TMCC3: variants seen among roughly 807,000 people sequenced by gnomAD.
The protein encoded by TMCC3 is transmembrane and coiled-coil domain protein 3.
A neutral mutation model predicts 40.2 loss-of-function variants in TMCC3; 28 were observed. That is an observed-to-expected ratio of 0.70 (90% CI 0.52 to 0.95). TMCC3 has a LOEUF of 0.95. Among genes scored for constraint, TMCC3 ranks in the 40% least tolerant of loss-of-function variants. TMCC3 has a pLI of 0.00. For missense variants in TMCC3, 554 were observed against 615.2 expected (o/e 0.90, Z 1.05); for synonymous variants, 255 against 248.5 (o/e 1.03, Z -0.25).
intron 1 of TMCC3, among the ~76,000 whole-genome samples, chr12:94,626,458 C>A (rs1305764116): frequency 6.6e-6 from 1 of 152,148 alleles, no homozygotes; most frequent in Non-Finnish European, 1.5e-5. Flanking sequence ...TTAATGTAGC[C>A]AAGGCCTTAC....
chr12:94,581,297 G>A (rs1437903631), intron 2 of TMCC3, among the ~76,000 whole-genome samples: 1 of 152,178 alleles, frequency 6.6e-6, no homozygotes, highest in Non-Finnish European at 1.5e-5. Context: ...GCATTGTGCT[G>A]ACACTCCAAA....
At chr12:94,637,210 T>A (rs572853044) in intron 1 of TMCC3, among the ~76,000 whole-genome samples, 4 of 152,206 alleles carry the variant, frequency 2.6e-5, no homozygotes, top group Admixed American at 6.5e-5. Flanking sequence ...GTCTTTTTAG[T>A]CTATGAAAAT....
chr12:94,615,995 A>C (rs1225633741), intron 1 of TMCC3: 1 of 985,308 alleles, frequency 1.0e-6, no homozygotes, highest in Non-Finnish European at 1.2e-6. Flanking sequence ...GAGGCATTTG[A>C]ATCTGCAAGG....
At chr12:94,621,964 A>G (rs2068878073) in intron 1 of TMCC3, among the ~76,000 whole-genome samples, 1 of 152,196 alleles carries the variant, frequency 6.6e-6, no homozygotes, top group Non-Finnish European at 1.5e-5. Context: ...TTTCAGTATC[A>G]GTAGGAGAAA....
intron 1 of TMCC3, among the ~76,000 whole-genome samples, chr12:94,643,887 A>G (rs1446792447): frequency 6.6e-6 from 1 of 152,240 alleles, no homozygotes; most frequent in Non-Finnish European, 1.5e-5. Context: ...TAGTTTCCTA[A>G]TAGCCACAAG....
At chr12:94,582,858 A>C (rs564737399) in intron 1 of TMCC3, among the ~76,000 whole-genome samples, 1 of 152,044 alleles carries the variant, frequency 6.6e-6, no homozygotes, top group Non-Finnish European at 1.5e-5. Context: ...CCGGTCTCCC[A>C]AAGTGCCCAG....
chr12:94,624,435 A>G (rs2068891835), intron 1 of TMCC3, among the ~76,000 whole-genome samples: 1 of 152,232 alleles, frequency 6.6e-6, no homozygotes, highest in African/African-American at 2.4e-5. Flanking sequence ...AGCCATGGCC[A>G]GGCATGGTGG....
At chr12:94,621,867 A>T (rs1202795509) in intron 1 of TMCC3, among the ~76,000 whole-genome samples, 2 of 152,214 alleles carry the variant, frequency 1.3e-5, no homozygotes, top group African/African-American at 4.8e-5. Context: ...GCCTGAACCC[A>T]GGGGCATGTC....
intron 1 of TMCC3, among the ~76,000 whole-genome samples, chr12:94,610,482 G>A (rs1479501568): frequency 1.3e-5 from 2 of 151,824 alleles, no homozygotes; most frequent in African/African-American, 4.8e-5. Context: ...AAATGGAGAT[G>A]AAAATATTTA....
intron 1 of TMCC3, among the ~76,000 whole-genome samples, chr12:94,620,767 A>C (rs2068872033): frequency 6.6e-6 from 1 of 152,190 alleles, no homozygotes; most frequent in Admixed American, 6.5e-5. Context: ...TATACATTAG[A>C]ATGGGTCTGC....
rs554155401 is a variant in TMCC3, at chr12:94,590,320, G to C, written c.79-7782C>G. 2.8e-5 allele frequency among the ~76,000 whole-genome samples: 4 copies of C among 141,580 alleles called. 1 individual carries two copies. The Admixed American group carries it at 2.9e-4, about 10-fold the overall frequency. The allele number at this position is 141,580 out of a possible 152,430, so 92.9% of individuals were successfully genotyped here. A position where few individuals can be genotyped will look rare whatever the true frequency, so the allele number is the denominator to read the frequency against. On this transcript the variant is annotated intron_variant, in intron 1 of 3. Coordinates refer to ENST00000261226, the MANE Select transcript of TMCC3 (RefSeq NM_020698.4). ...GGGGTTTTACTATGTTGGCCAGGCT[G>C]GTCTTGTACTCCTGGCTTTAAGTGA...
In TMCC3 at chr12:94,585,628, T is replaced by A. The variant is rs192723775; in HGVS notation, c.79-3090A>T. On this transcript the variant is annotated intron_variant, in intron 1 of 3. Coordinates refer to ENST00000261226, the MANE Select transcript of TMCC3 (RefSeq NM_020698.4). ...AGGAGAACTGCTTGAACCCAGGAGG[T>A]GGAGGTTGCAGTGAGCCATTGCACT... Among the ~76,000 whole-genome samples the A allele has an allele frequency of 4.9e-4, 74 of 151,916 alleles. 1 individual carries two copies. The highest frequency in any genetic ancestry group is 8.4e-4 in the Non-Finnish European group (57 of 67,950).
rs535473216 is a variant in TMCC3 at position 94,647,732 on chromosome 12, C to T, written c.78+2621G>A. On this transcript the variant is annotated intron_variant, in intron 1 of 3. Coordinates refer to ENST00000261226, the MANE Select transcript of TMCC3 (RefSeq NM_020698.4). ...GTGTCAGGAAAACATATCTTTACAG[C>T]TGCATCCAAGTGAGTTCCACAATAC... 1.2e-4 allele frequency among the ~76,000 whole-genome samples: 18 copies of T among 152,334 alleles called. No individual in the cohort carries two copies. The South Asian group carries it at 3.7e-3, about 32-fold the overall frequency.
intron 1 of TMCC3, among the ~76,000 whole-genome samples, chr12:94,622,592 C>G (rs1016441873): frequency 6.6e-6 from 1 of 152,146 alleles, no homozygotes. Flanking sequence ...AGACTGATGT[C>G]GACTCAGGAA....
intron 1 of TMCC3, among the ~76,000 whole-genome samples, chr12:94,642,204 A>G (rs79899709): frequency 0.02 from 3,090 of 152,346 alleles, 103 homozygotes; most frequent in African/African-American, 0.069. Context: ...TTTTAAAGAC[A>G]GAAGATGGTA....
chr12:94,633,851 A>G (rs1395935106), intron 1 of TMCC3, among the ~76,000 whole-genome samples: 1 of 152,220 alleles, frequency 6.6e-6, no homozygotes, highest in Non-Finnish European at 1.5e-5. Context: ...GATTTCTGAA[A>G]TATCCAAAGT....
At chr12:94,648,386 C>T (rs1301738340) in intron 1 of TMCC3, among the ~76,000 whole-genome samples, 1 of 152,116 alleles carries the variant, frequency 6.6e-6, no homozygotes, top group Non-Finnish European at 1.5e-5. Context: ...ACCACCACGC[C>T]CGGCTAATTT....
At chr12:94,600,623 G>C (rs963595176) in intron 1 of TMCC3, among the ~76,000 whole-genome samples, 1 of 152,090 alleles carries the variant, frequency 6.6e-6, no homozygotes, top group Non-Finnish European at 1.5e-5. Flanking sequence ...TGTGGTACAT[G>C]AACATATTTC....
intron 1 of TMCC3, among the ~76,000 whole-genome samples, chr12:94,641,425 C>T (rs1040237745): frequency 3.3e-5 from 5 of 152,118 alleles, no homozygotes; most frequent in Non-Finnish European, 5.9e-5. Context: ...GTAAAAGCCA[C>T]ATTTTACTCC....
Sources: allele counts gnomAD v4.1 joint callset (sites outside exome capture counted in the v4.1 genomes callset), GRCh38; gene constraint gnomAD v4.1.1; transcripts MANE v1.5; gene names NCBI Gene and HGNC (gene_info 2026-07-23, HGNC 2026-07-21).